Variants in DACH2 observed in about 807,000 individuals in gnomAD.
The protein encoded by DACH2 is dachshund homolog 2.
Under a neutral mutation model 35.8 loss-of-function variants are expected in DACH2, and 17 were observed. The ratio of observed to expected loss-of-function variants is 0.48; its 90% confidence interval spans 0.33 to 0.71. The LOEUF is 0.71. DACH2 is among the 30% of genes least tolerant of loss of function. The pLI is 0.02. For synonymous variants in DACH2, 195 were observed against 177.3 expected (o/e 1.10, Z -0.79); for missense variants, 469 against 472.7 (o/e 0.99, Z 0.07).
At chrX:86,637,975 A>T (rs774655767) in intron 3 of DACH2, among the ~76,000 whole-genome samples, 1 of 112,038 alleles carries the variant, frequency 8.9e-6, no homozygotes, top group East Asian at 2.8e-4. Flanking sequence ...AGCAAAAAGA[A>T]CAAGGGCAGA....
intron 1 of DACH2, among the ~76,000 whole-genome samples, chrX:86,296,623 C>G (rs936831066): frequency 1.8e-5 from 2 of 110,763 alleles, no homozygotes; most frequent in African/African-American, 3.3e-5. Context: ...ACTGTGCTTT[C>G]TTTTGGTTTG....
Position 86,591,325 on chromosome X carries a change from TG to T in DACH2, c.641-59708del, listed in dbSNP as rs773200636. Among the ~76,000 whole-genome samples the T allele has an allele frequency of 6.3e-5, 7 of 111,664 alleles. No homozygotes were observed. In the South Asian group the frequency reaches 2.6e-3, roughly 41 times the overall value. Reference sequence around the variant, plus strand: ...TATAGCAGCACGATTTATAATCCTTTGGGTATACACCCAGTAATGGGATGGC... The same window carrying T: ...TATAGCAGCACGATTTATAATCCTTTGGTATACACCCAGTAATGGGATGGC... On this transcript the variant is annotated intron_variant, in intron 3 of 11. Transcript: ENST00000373125.
chrX:86,431,105 G>T (rs7889037), intron 2 of DACH2, among the ~76,000 whole-genome samples: 2 of 111,045 alleles, frequency 1.8e-5, no homozygotes, highest in Non-Finnish European at 3.8e-5. Context: ...ATCTAGGCAT[G>T]GTAATCATGT....
chrX:86,832,350 T>A lies in DACH2; in HGVS notation c.*195T>A. 2.5e-6 allele frequency: 1 copy of A among 394,764 alleles called. No homozygotes were observed. Among genetic ancestry groups the A allele is most frequent in the Non-Finnish European group, 4.3e-6 (1 of 231,593 alleles). 32.5% of individuals were successfully genotyped at this position (394,764 alleles called of 1,213,427 possible). A position where few individuals can be genotyped will look rare whatever the true frequency, so the allele number is the denominator to read the frequency against. ...CAATGATGTAAACTTTGTTCTTGCATTAGACTGACCAGTTTAAAAATATGA... is the reference window on the plus strand; with the variant it reads ...CAATGATGTAAACTTTGTTCTTGCAATAGACTGACCAGTTTAAAAATATGA... On this transcript the variant is annotated 3_prime_UTR_variant, in exon 12 of 12. Transcript: ENST00000373125.
chrX:86,600,234 A>G (rs1026285894), intron 3 of DACH2, among the ~76,000 whole-genome samples: 7 of 112,031 alleles, frequency 6.2e-5, no homozygotes. Context: ...CTTTTGCTAT[A>G]TGCAATTTGG....
At chrX:86,740,183 A>G (rs939079829) in intron 7 of DACH2, among the ~76,000 whole-genome samples, 1 of 110,709 alleles carries the variant, frequency 9.0e-6, no homozygotes, top group Admixed American at 9.7e-5. Context: ...TACGCCTGAC[A>G]CAGTCACAAC....
At chrX:86,254,781 A>AT (rs1556004270) in intron 1 of DACH2, among the ~76,000 whole-genome samples, 625 of 22,561 alleles carry the variant, frequency 0.028, 17 homozygotes, top group Middle Eastern at 0.056. Flanking sequence ...CAAATAAATA[A>AT]ATATATATAT....
intron 2 of DACH2, among the ~76,000 whole-genome samples, chrX:86,513,682 A>G (rs1209194368): frequency 8.9e-6 from 1 of 112,264 alleles, no homozygotes; most frequent in African/African-American, 3.2e-5. Context: ...AGGTTTTGTT[A>G]GTGTGGCCAC....
chrX:86,819,133 G>T (rs182071072), intron 11 of DACH2, among the ~76,000 whole-genome samples: 2 of 108,428 alleles, frequency 1.8e-5, no homozygotes, highest in African/African-American at 6.7e-5. Context: ...TGACAGAGAC[G>T]ATAATATGCA....
At chrX:86,661,523 A>T (rs1485687148) in intron 4 of DACH2, among the ~76,000 whole-genome samples, 1 of 112,507 alleles carries the variant, frequency 8.9e-6, no homozygotes, top group African/African-American at 3.2e-5. Flanking sequence ...AACTTCATTT[A>T]TTTTAATGCC....
chrX:86,686,746 G>T (rs1339417550), intron 4 of DACH2, among the ~76,000 whole-genome samples: 1 of 111,583 alleles, frequency 9.0e-6, no homozygotes, highest in African/African-American at 3.3e-5. Context: ...CAAACTAATA[G>T]TTTGCAAGAG....
At chrX:86,711,378 T>TA (rs1373927991) in intron 5 of DACH2, among the ~76,000 whole-genome samples, 1 of 111,194 alleles carries the variant, frequency 9.0e-6, no homozygotes, top group Admixed American at 9.5e-5. Context: ...TCCGTCTCAT[T>TA]AAAAAAATAA....
intron 4 of DACH2, among the ~76,000 whole-genome samples, chrX:86,673,118 G>A (rs746220856): frequency 1.8e-5 from 2 of 110,615 alleles, no homozygotes; most frequent in Admixed American, 9.6e-5. Context: ...GGTGGATCAC[G>A]AGGTCAGGAG....
At chrX:86,550,240 A>G (rs1268303847) in intron 3 of DACH2, among the ~76,000 whole-genome samples, 1 of 111,707 alleles carries the variant, frequency 9.0e-6, no homozygotes. Flanking sequence ...CAATAAAGAA[A>G]GAATAGAGAG....
chrX:86,363,403 A>G (rs137857278), intron 1 of DACH2, among the ~76,000 whole-genome samples: 210 of 111,722 alleles, frequency 1.9e-3, no homozygotes, highest in African/African-American at 6.5e-3. Flanking sequence ...ACATCTTGCA[A>G]AAGTTTTTAC....
chrX:86,469,651 AC>A (rs753273329), intron 2 of DACH2, among the ~76,000 whole-genome samples: 6 of 110,878 alleles, frequency 5.4e-5, no homozygotes, highest in Admixed American at 9.7e-5. Flanking sequence ...TTTCATTCTA[AC>A]CCCCAGTCCC....
intron 3 of DACH2, among the ~76,000 whole-genome samples, chrX:86,522,854 T>C (rs2038577449): frequency 9.0e-6 from 1 of 111,695 alleles, no homozygotes; most frequent in African/African-American, 3.3e-5. Flanking sequence ...TACATCCTTC[T>C]CTGTATCTCT....
intron 1 of DACH2, among the ~76,000 whole-genome samples, chrX:86,309,460 G>C: frequency 9.6e-6 from 1 of 104,335 alleles, no homozygotes; most frequent in Middle Eastern, 4.7e-3. Context: ...TACCACAGGG[G>C]TATCTCTACT....
At chrX:86,595,106 C>A (rs1396363081) in intron 3 of DACH2, among the ~76,000 whole-genome samples, 1 of 110,240 alleles carries the variant, frequency 9.1e-6, no homozygotes, top group African/African-American at 3.3e-5. Context: ...AGCTTGTTTT[C>A]TTCTTCAATT....
Sources: allele counts gnomAD v4.1 joint callset (sites outside exome capture counted in the v4.1 genomes callset), GRCh38; gene constraint gnomAD v4.1.1; transcripts MANE v1.5; gene names NCBI Gene and HGNC (gene_info 2026-07-23, HGNC 2026-07-21).